Variants in ATP10D observed in about 807,000 individuals in gnomAD.
The protein encoded by ATP10D is phospholipid-transporting ATPase VD.
ATP10D carries 89 observed loss-of-function variants against 144.8 expected under a neutral mutation model. That is an observed-to-expected ratio of 0.61 (90% CI 0.52 to 0.73). The LOEUF (loss-of-function observed/expected upper bound fraction) is 0.73. ATP10D is among the 30% of genes least tolerant of loss of function. ATP10D has a pLI of 0.00. For synonymous variants in ATP10D, 571 were observed against 615.1 expected (o/e 0.93, Z 1.06); for missense variants, 1,603 against 1,714.8 (o/e 0.93, Z 1.15).
intron 5 of ATP10D, among the ~76,000 whole-genome samples, chr4:47,532,013 C>T (rs149603228): frequency 1.3e-5 from 2 of 152,290 alleles, no homozygotes; most frequent in Non-Finnish European, 2.9e-5. Flanking sequence ...ACACTGTTGC[C>T]ACAGAAATTC....
rs770275319 is a variant in ATP10D at position 47,536,862 on chromosome 4, A to G, written c.1320A>G (p.Thr440=). 4.3e-6 allele frequency: 7 copies of G among 1,613,506 alleles called. No homozygotes were observed. In the East Asian group the frequency reaches 6.7e-5, roughly 15 times the overall value. ...TTCAGTACCTCTTTTCCGATAAGAC[A>G]GGAACCCTCACTGAGAATAAGATGG... ...GQIQYLFSDK[T]GTLTENKMVF... is the part of the protein sequence containing the mutation. Residue 440 remains threonine, a synonymous_variant, in exon 9 of 23, where the codon ACA becomes ACG. Coordinates refer to ENST00000273859, the MANE Select transcript of ATP10D (RefSeq NM_020453.4).
At position 47,581,712 on chromosome 4, in the gene ATP10D, G is replaced by A. The variant is rs544378815; in HGVS notation, c.3649-248G>A. 2.6e-4 allele frequency among the ~76,000 whole-genome samples: 39 copies of A among 152,310 alleles called. 1 individual carries two copies. The highest frequency in any genetic ancestry group is 3.4e-3 in the Middle Eastern group (1 of 294). On this transcript the variant is annotated intron_variant, in intron 20 of 22. Coordinates refer to ENST00000273859, the MANE Select transcript of ATP10D (RefSeq NM_020453.4). The stretch of plus-strand genomic sequence containing the variant: ...TAAAAAGCTAGAAGTGTGAGTGAAA[G>A]GTTCCAGGAGGATCAATTATGATTC...
chr4:47,589,391 A>C (rs1388159222), intron 22 of ATP10D, among the ~76,000 whole-genome samples: 2 of 152,292 alleles, frequency 1.3e-5, no homozygotes, highest in East Asian at 3.9e-4. Flanking sequence ...ACAAATGCCT[A>C]AAACTGTGGA....
chr4:47,575,994 C>T lies in ATP10D; in HGVS notation c.3367-779C>T, dbSNP rs561265612. On this transcript the variant is annotated intron_variant, in intron 18 of 22. Transcript: ENST00000273859. ...TCGCCCAGGCTGGAGTGCAGTGGCG[C>T]GATCTCGGCTCACTGCAAGCTCCGC... Among the ~76,000 whole-genome samples, 343 of 133,196 alleles carry T rather than the reference C, an allele frequency of 2.6e-3. 2 individuals are homozygous for T. Among genetic ancestry groups the T allele is most frequent in the African/African-American group, 9.4e-3 (324 of 34,524 alleles). The allele number at this position is 133,196 out of a possible 152,430, so 87.4% of individuals were successfully genotyped here.
chr4:47,502,033 C>T lies in ATP10D; in HGVS notation c.-37-10471C>T, dbSNP rs79369186. ...GAGATTAAGACATATTAGGAACTCA[C>T]CATAAATGAGTAAGATTTCTTTTAG... On this transcript the variant is annotated intron_variant, in intron 1 of 22. Transcript: ENST00000273859. Among the ~76,000 whole-genome samples the T allele has an allele frequency of 5.4e-3, 823 of 152,224 alleles. 3 individuals carry two copies. Among genetic ancestry groups the T allele is most frequent in the Middle Eastern group, 0.017 (5 of 294 alleles).
At chr4:47,507,624 C>T (rs1716090769) in intron 1 of ATP10D, among the ~76,000 whole-genome samples, 1 of 152,166 alleles carries the variant, frequency 6.6e-6, no homozygotes, top group Non-Finnish European at 1.5e-5. Flanking sequence ...ATGTTCTTTT[C>T]TATAAAATTC....
intron 5 of ATP10D, among the ~76,000 whole-genome samples, chr4:47,532,902 C>A (rs183879001): frequency 1.3e-5 from 2 of 152,238 alleles, no homozygotes; most frequent in Admixed American, 1.3e-4. Flanking sequence ...GCGCTGGGCA[C>A]ATAGTAGATA....
intron 3 of ATP10D, among the ~76,000 whole-genome samples, chr4:47,516,087 G>A (rs551975234): frequency 8.6e-5 from 13 of 152,030 alleles, no homozygotes; most frequent in Non-Finnish European, 1.3e-4. Flanking sequence ...AAAATTAGCC[G>A]GACGTGGTGG....
intron 4 of ATP10D, among the ~76,000 whole-genome samples, chr4:47,525,295 G>A (rs1215732985): frequency 6.6e-6 from 1 of 152,070 alleles, no homozygotes; most frequent in East Asian, 1.9e-4. Context: ...GCTCTCTTCT[G>A]GGGAGTCCTG....
intron 5 of ATP10D, among the ~76,000 whole-genome samples, chr4:47,528,115 T>C (rs1278386249): frequency 6.6e-6 from 1 of 152,124 alleles, no homozygotes; most frequent in Non-Finnish European, 1.5e-5. Context: ...TTTTTATAGG[T>C]TCAATGGTCT....
chr4:47,525,675 A>G lies in ATP10D; in HGVS notation c.776+33A>G, dbSNP rs760778449. The G allele has an allele frequency of 2.0e-6, 3 of 1,510,020 alleles. No homozygotes were observed. The South Asian group carries it at 3.4e-5, about 17-fold the overall frequency. The allele number at this position is 1,510,020 out of a possible 1,614,324, so 93.5% of individuals were successfully genotyped here. On this transcript the variant is annotated intron_variant, in intron 5 of 22. Coordinates refer to ENST00000273859, the MANE Select transcript of ATP10D (RefSeq NM_020453.4). ...ATACATGATGAACATTTGTGGGTGT[A>G]AGTGGAATTGTGTGTTGCAATCGTA... is the stretch of plus-strand genomic sequence containing the variant.
chr4:47,513,211 A>G (rs556971915), intron 2 of ATP10D, among the ~76,000 whole-genome samples: 1 of 152,104 alleles, frequency 6.6e-6, no homozygotes, highest in Admixed American at 6.6e-5. Context: ...TTTCTTACTG[A>G]TAATAGGAGG....
chr4:47,500,960 G>A (rs189321113), intron 1 of ATP10D, among the ~76,000 whole-genome samples: 69 of 152,290 alleles, frequency 4.5e-4, no homozygotes, highest in Non-Finnish European at 5.1e-4. Context: ...AAGAGTTTGC[G>A]GTCAGGACGT....
At chr4:47,501,368 C>T (rs1338688198) in intron 1 of ATP10D, among the ~76,000 whole-genome samples, 1 of 152,140 alleles carries the variant, frequency 6.6e-6, no homozygotes, top group African/African-American at 2.4e-5. Context: ...TGGGTAACCT[C>T]ACCTAGTACA....
In ATP10D at chr4:47,512,622, T is replaced by C. The variant is rs1716402130; in HGVS notation, c.82T>C (p.Tyr28His). Residue 28 changes from tyrosine to histidine, a missense_variant, in exon 2 of 23, where the codon TAC (tyrosine) becomes CAC (histidine). Tyr to His is a moderately conservative substitution (Grantham distance 83). Transcript: ENST00000273859. Reference protein sequence around the residue: ...GATRDDDSGPYNYSSLLACGR... With the variant: ...GATRDDDSGPHNYSSLLACGR... ...AACCAGGGATGATGATTCAGGGCCA[T>C]ACAACTATTCCTCGTTGCTCGCCTG... is the stretch of plus-strand genomic sequence containing the variant. 2 of 1,614,160 alleles carry C rather than the reference T, an allele frequency of 1.2e-6. No individual in the cohort carries two copies. Among genetic ancestry groups the C allele is most frequent in the South Asian group, 1.1e-5 (1 of 91,086 alleles).
rs760472650 is a variant in ATP10D at position 47,546,891 on chromosome 4, G to A, written c.1635+29G>A. ...AGTATGAATGCATGACTAGAGTCTT[G>A]CACATCCACAATGTATGATGAGAGA... On this transcript the variant is annotated intron_variant, in intron 10 of 22. Coordinates refer to ENST00000273859, the MANE Select transcript of ATP10D (RefSeq NM_020453.4). 2.5e-6 allele frequency: 4 copies of A among 1,576,078 alleles called. No individual in the cohort carries two copies. The Admixed American group carries it at 6.7e-5, about 26-fold the overall frequency.
At chr4:47,555,453 A>G (rs1718936820) in intron 11 of ATP10D, among the ~76,000 whole-genome samples, 1 of 152,126 alleles carries the variant, frequency 6.6e-6, no homozygotes, top group East Asian at 1.9e-4. Flanking sequence ...CCTCCTAACA[A>G]TCCTATGAGT....
At chr4:47,507,980 C>G (rs1716111744) in intron 1 of ATP10D, among the ~76,000 whole-genome samples, 1 of 152,140 alleles carries the variant, frequency 6.6e-6, no homozygotes, top group East Asian at 1.9e-4. Context: ...TGCTTTGCAA[C>G]CTCCTTAACT....
At chr4:47,486,441 G>C (rs1301745497) in intron 1 of ATP10D, among the ~76,000 whole-genome samples, 1 of 152,226 alleles carries the variant, frequency 6.6e-6, no homozygotes, top group Non-Finnish European at 1.5e-5. Flanking sequence ...TCAACCTTGA[G>C]AGATGCATCA....
Sources: gnomAD v4.1 joint callset for allele counts (sites outside exome capture counted in the v4.1 genomes callset) on GRCh38, gnomAD v4.1.1 for gene constraint, MANE v1.5 for transcripts, NCBI Gene and HGNC (gene_info 2026-07-23, HGNC 2026-07-21) for gene names.